The following RASGRF1 variants were observed in gnomAD, a reference collection of about 807,000 sequenced individuals.
The protein encoded by RASGRF1 is ras-specific guanine nucleotide-releasing factor 1.
A neutral mutation model predicts 138.7 loss-of-function variants in RASGRF1; 40 were observed. The observed-to-expected ratio is 0.29, with a 90% CI of 0.22 to 0.38. The LOEUF (loss-of-function observed/expected upper bound fraction) is 0.38, where lower values mean the gene tolerates loss of function less well. Ranked by LOEUF, RASGRF1 falls within the 10% of genes least tolerant of loss-of-function variation. The probability of loss-of-function intolerance (pLI) is 1.00; values close to 1 mark genes in which losing one functional copy is unlikely to be tolerated. For missense variants in RASGRF1, 1,108 were observed against 1,650.4 expected, an observed-to-expected ratio of 0.67 and a Z score of 5.69; for synonymous variants, 614 against 663.2, an observed-to-expected ratio of 0.93 and a Z score of 1.14.
At chr15:79,058,869 A>G (rs1168211963) in intron 2 of RASGRF1, among the ~76,000 whole-genome samples, 3 of 152,216 alleles carry the variant, frequency 2.0e-5, no homozygotes, top group Non-Finnish European at 2.9e-5. Flanking sequence ...AGTTTTTCCA[A>G]CTTCTCAAGA....
intron 12 of RASGRF1, among the ~76,000 whole-genome samples, chr15:79,016,443 G>A (rs1418068667): frequency 6.6e-6 from 1 of 152,242 alleles, no homozygotes; most frequent in Non-Finnish European, 1.5e-5. Context: ...ACTTGGCCAT[G>A]GGCTCAGAGT....
intron 1 of RASGRF1, among the ~76,000 whole-genome samples, chr15:79,068,587 CATAT>C (rs1227631543): frequency 6.8e-6 from 1 of 146,898 alleles, no homozygotes; most frequent in Non-Finnish European, 1.5e-5. Context: ...TATATACATA[CATAT>C]ATATTTATAT....
chr15:79,067,886 C>A (rs1169704619), intron 1 of RASGRF1, among the ~76,000 whole-genome samples: 1 of 152,044 alleles, frequency 6.6e-6, no homozygotes, highest in African/African-American at 2.4e-5. Context: ...CCAAAGCCCA[C>A]GTCTAGAGAG....
Position 79,058,403 on chromosome 15 carries a change from C to T in RASGRF1, c.462G>A (p.Lys154=). 6.2e-7 allele frequency: 1 copy of T among 1,614,186 alleles called. No individual in the cohort carries two copies. The highest frequency in any genetic ancestry group is 8.5e-7 in the Non-Finnish European group (1 of 1,180,040). ...LHLLQIVETE[K]TVAKQLRQQI... is the part of the protein sequence containing the mutation. ...GCTGCCGAAGCTGCTTGGCCACGGT[C>T]TTCTCTGTCTCCACGATCTGCAGCA... Residue 154 remains lysine (K), a synonymous_variant, in exon 3 of 27, where the codon AAG becomes AAA. Transcript: ENST00000558480.
intron 24 of RASGRF1, among the ~76,000 whole-genome samples, chr15:78,977,968 C>A (rs1442677768): frequency 6.6e-6 from 1 of 152,102 alleles, no homozygotes; most frequent in Non-Finnish European, 1.5e-5. Context: ...AGGGAACAGG[C>A]ATAGGACTTT....
In RASGRF1 at chr15:79,006,207, G is replaced by C; in HGVS notation, c.2054C>G (p.Pro685Arg). ...LDKLITIYKKPISAIPARSLE... is the reference protein window; with the variant it reads ...LDKLITIYKKRISAIPARSLE... ...CCACCTGGCAGGAATGGCACTGATAGGCTTCTTGTAGATGGTAATGAGCTT... is the reference window on the plus strand; with the variant it reads ...CCACCTGGCAGGAATGGCACTGATACGCTTCTTGTAGATGGTAATGAGCTT... The change falls in exon 14 of 27, where the codon CCT becomes CGT. Residue 685 changes from proline (P) to arginine (R), a missense_variant. Physicochemically the swap from Pro to Arg is moderately radical, Grantham distance 103. Transcript: ENST00000558480. The surrounding 1 kb of genome is among the most constrained non-coding windows in gnomAD (Gnocchi z 4.0). 1 of 1,614,222 alleles carries C rather than the reference G, an allele frequency of 6.2e-7. No homozygotes were observed. The highest frequency in any genetic ancestry group is 8.5e-7 in the Non-Finnish European group (1 of 1,180,034).
At chr15:79,053,782 G>A (rs1235661325) in intron 3 of RASGRF1, among the ~76,000 whole-genome samples, 6 of 152,246 alleles carry the variant, frequency 3.9e-5, no homozygotes, top group Non-Finnish European at 8.8e-5. Context: ...TGTGTGGCCT[G>A]CGCACTCGCA....
At chr15:79,055,574 A>ACG (rs987182655) in intron 3 of RASGRF1, among the ~76,000 whole-genome samples, 7 of 149,696 alleles carry the variant, frequency 4.7e-5, no homozygotes, top group African/African-American at 1.8e-4. Context: ...ATTTTGAGAC[A>ACG]CACACACACA....
intron 2 of RASGRF1, among the ~76,000 whole-genome samples, chr15:79,060,882 C>A (rs1389140297): frequency 6.6e-6 from 1 of 151,986 alleles, no homozygotes; most frequent in African/African-American, 2.4e-5. Context: ...GCACAGTTGC[C>A]CTGCAGGGCT....
At chr15:79,068,147 A>T (rs2057704281) in intron 1 of RASGRF1, among the ~76,000 whole-genome samples, 1 of 152,088 alleles carries the variant, frequency 6.6e-6, no homozygotes, top group South Asian at 2.1e-4. Flanking sequence ...GCACGACCCC[A>T]CTTCACAGAG....
chr15:78,996,392 T>C (rs1231956331), intron 19 of RASGRF1, among the ~76,000 whole-genome samples: 2 of 152,148 alleles, frequency 1.3e-5, no homozygotes, highest in Non-Finnish European at 2.9e-5. Flanking sequence ...CTGCGGACAC[T>C]GGAGAGCCAG....
At chr15:78,985,272 A>G (rs1252918276) in intron 22 of RASGRF1, 68 bp from the exon 23 acceptor site, 8 of 1,386,638 alleles carry the variant, frequency 5.8e-6, no homozygotes, top group Non-Finnish European at 8.0e-6. Context: ...AATGGTCACT[A>G]TTTGCAGATA....
At chr15:78,997,736 C>CA (rs33965910) in intron 19 of RASGRF1, among the ~76,000 whole-genome samples, 88,853 of 112,346 alleles carry the variant, frequency 0.79, 35,230 homozygotes, top group East Asian at 0.95. Context: ...GACTTCGCCT[C>CA]AAAAAAAAAA....
At chr15:79,076,679 G>A (rs1188882730) in intron 1 of RASGRF1, among the ~76,000 whole-genome samples, 1 of 152,200 alleles carries the variant, frequency 6.6e-6, no homozygotes, top group Non-Finnish European at 1.5e-5. Flanking sequence ...AAGGCTAGGC[G>A]GAGGTGTTCA....
intron 1 of RASGRF1, among the ~76,000 whole-genome samples, chr15:79,072,521 C>T (rs986997248): frequency 1.1e-4 from 16 of 151,422 alleles, no homozygotes; most frequent in African/African-American, 3.4e-4. Flanking sequence ...GTGATCCGCC[C>T]GCCTCGGCCT....
At chr15:79,035,102 G>C in intron 6 of RASGRF1, 29 bp downstream of exon 6, 1 of 1,584,744 alleles carries the variant, frequency 6.3e-7, no homozygotes, top group Non-Finnish European at 8.6e-7. Context: ...GGACTTCTCT[G>C]GGGGCCGCAG....
At chr15:79,047,964 G>A (rs2057377211) in intron 4 of RASGRF1, among the ~76,000 whole-genome samples, 1 of 111,894 alleles carries the variant, frequency 8.9e-6, no homozygotes, top group Non-Finnish European at 2.1e-5. Flanking sequence ...GCCTGCCCGA[G>A]GCCCAAGAGC....
In RASGRF1 at chr15:79,079,617, T is replaced by TA. The variant is rs549998083; in HGVS notation, c.276+10605dup. Among the ~76,000 whole-genome samples, 62 of 152,176 alleles carry TA rather than the reference T, an allele frequency of 4.1e-4. No homozygotes were observed. In the South Asian group the frequency reaches 0.012, roughly 30 times the overall value. On this transcript the variant is annotated intron_variant, in intron 1 of 26. Coordinates refer to ENST00000558480, the MANE Select transcript of RASGRF1 (RefSeq NM_001145648.3). ...ATTTATATAATTATACATGCATGCA[T>TA]ATAGACAGACAGATGTTTGCATGTA...
At chr15:78,967,855 A>G (rs1422517565) in intron 26 of RASGRF1, among the ~76,000 whole-genome samples, 2 of 152,226 alleles carry the variant, frequency 1.3e-5, no homozygotes, top group African/African-American at 4.8e-5. Flanking sequence ...TCAGCCATGC[A>G]TCTCCTAAGA....
Sources: gnomAD v4.1 joint callset for allele counts (sites outside exome capture counted in the v4.1 genomes callset) on GRCh38, gnomAD v4.1.1 for gene constraint, Gnocchi (gnomAD v3.1) non-coding constraint, MANE v1.5 for transcripts, NCBI Gene and HGNC (gene_info 2026-07-23, HGNC 2026-07-21) for gene names.